Variants in DIPK2A observed in about 807,000 individuals in gnomAD.
DIPK2A encodes the protein divergent protein kinase domain 2A.
In DIPK2A, 27 loss-of-function variants were observed where a neutral mutation model predicts 39.0. The observed-to-expected ratio is 0.69, with a 90% CI of 0.51 to 0.96. The LOEUF is 0.96. Among genes scored for constraint, DIPK2A ranks in the 40% least tolerant of loss-of-function variants. DIPK2A has a pLI of 0.00. For synonymous variants in DIPK2A, 298 were observed against 240.8 expected (o/e 1.24, Z -2.20); for missense variants, 528 against 571.3 (o/e 0.92, Z 0.77).
intron 2 of DIPK2A, among the ~76,000 whole-genome samples, chr3:143,988,062 C>T (rs1442119284): frequency 6.6e-6 from 1 of 151,716 alleles, no homozygotes; most frequent in Admixed American, 6.6e-5. Flanking sequence ...AAAGCCAGGG[C>T]ATAATCTGTA....
At position 143,992,138 on chromosome 3, in the gene DIPK2A, A is replaced by T. The variant is rs1026744320; in HGVS notation, c.*2297A>T. On this transcript the variant is annotated 3_prime_UTR_variant, in exon 3 of 3. Coordinates refer to ENST00000315691, the MANE Select transcript of DIPK2A (RefSeq NM_173552.5). The stretch of plus-strand genomic sequence containing the variant: ...TTGCTATCAAGATGTTCACTATCAG[A>T]TATTTATTATATGGCAGCAATTTAT... The T allele has an allele frequency of 6.6e-6, 1 of 152,650 alleles. No homozygotes were observed. The highest frequency in any genetic ancestry group is 1.5e-5 in the Non-Finnish European group (1 of 68,034). 9.5% of individuals were successfully genotyped at this position (152,650 alleles called of 1,614,324 possible). A position where few individuals can be genotyped will look rare whatever the true frequency, so the allele number is the denominator to read the frequency against.
Position 143,989,980 on chromosome 3 carries a change from T to C in DIPK2A, c.*139T>C. ...AACTTGCACTGATAGATCTTAATGT[T>C]AACATCCATCAAAATAAGACATTAC... On this transcript the variant is annotated 3_prime_UTR_variant, in exon 3 of 3. Coordinates refer to ENST00000315691, the MANE Select transcript of DIPK2A (RefSeq NM_173552.5). 1 of 634,050 alleles carries C rather than the reference T, an allele frequency of 1.6e-6. No individual in the cohort carries two copies. The highest frequency in any genetic ancestry group is 2.7e-5 in the East Asian group (1 of 36,434). The allele number at this position is 634,050 out of a possible 1,614,324, so 39.3% of individuals were successfully genotyped here. A position where few individuals can be genotyped will look rare whatever the true frequency, so the allele number is the denominator to read the frequency against.
rs1407715263 is a variant in DIPK2A at position 143,972,407 on chromosome 3, G to C, written c.75G>C (p.Leu25Phe). 1 of 1,503,860 alleles carries C rather than the reference G, an allele frequency of 6.6e-7. No homozygotes were observed. The highest frequency in any genetic ancestry group is 8.9e-7 in the Non-Finnish European group (1 of 1,123,768). 93.2% of individuals were successfully genotyped at this position (1,503,860 alleles called of 1,614,324 possible). The change falls in exon 1 of 3, where the codon TTG becomes TTC. Residue 25 changes from leucine (L) to phenylalanine (F), a missense_variant. Transcript: ENST00000315691. The stretch of plus-strand genomic sequence containing the variant: ...AGCTGGCGGCGCTGGGCAGCCTGTT[G>C]GTGCTGATGGTGCTGCACTCGCCGT... ...SLKLAALGSL[L>F]VLMVLHSPSL...
chr3:143,972,899 G>T lies in DIPK2A; in HGVS notation c.567G>T (p.Ser189=). The change falls in exon 1 of 3, where the codon TCG becomes TCT. Residue 189 remains serine (S), a synonymous_variant. Transcript: ENST00000315691. ...LVRRYAETKD[S]GSFLLRNLKD... Reference sequence around the variant, plus strand: ...GCCGCTACGCGGAGACCAAGGACTCGGGCAGCTTCCTGCTTCGCAACCTCA... The same window carrying T: ...GCCGCTACGCGGAGACCAAGGACTCTGGCAGCTTCCTGCTTCGCAACCTCA... 7 of 1,582,832 alleles carry T rather than the reference G, an allele frequency of 4.4e-6. No individual in the cohort carries two copies. The highest frequency in any genetic ancestry group is 6.0e-6 in the Non-Finnish European group (7 of 1,166,676).
intron 2 of DIPK2A, 156 bp downstream of exon 2, chr3:143,986,002 A>C: frequency 1.6e-6 from 1 of 612,558 alleles, no homozygotes; most frequent in South Asian, 2.1e-5. Context: ...ACAAATACAG[A>C]TACTCTTTGA....
chr3:143,984,599 G>A (rs919639144), intron 1 of DIPK2A, among the ~76,000 whole-genome samples: 1 of 151,824 alleles, frequency 6.6e-6, no homozygotes, highest in African/African-American at 2.4e-5. Context: ...TCATTTTCTA[G>A]TTACATATTT....
chr3:143,976,975 G>A (rs957415135), intron 1 of DIPK2A, among the ~76,000 whole-genome samples: 11 of 151,806 alleles, frequency 7.2e-5, no homozygotes, highest in Admixed American at 5.9e-4. Context: ...GCTCATTTGG[G>A]GTATGGATCA....
At chr3:143,982,376 G>A (rs1224076359) in intron 1 of DIPK2A, among the ~76,000 whole-genome samples, 6 of 152,120 alleles carry the variant, frequency 3.9e-5, no homozygotes, top group Admixed American at 2.0e-4. Context: ...AATAGAGAAA[G>A]CCCATCAGAC....
intron 2 of DIPK2A, among the ~76,000 whole-genome samples, chr3:143,987,550 C>A (rs2087921089): frequency 6.6e-6 from 1 of 152,070 alleles, no homozygotes. Flanking sequence ...TATTTTATTT[C>A]TTCACAGGGA....
chr3:143,972,659 C>T lies in DIPK2A; in HGVS notation c.327C>T (p.Leu109=), dbSNP rs2087671222. 2.5e-6 allele frequency: 4 copies of T among 1,610,040 alleles called. No homozygotes were observed. Among genetic ancestry groups the T allele is most frequent in the African/African-American group, 1.3e-5 (1 of 74,886 alleles). The change falls in exon 1 of 3, where the codon CTC becomes CTT. Residue 109 remains leucine (L), a synonymous_variant. Transcript: ENST00000315691. The part of the protein sequence containing the change: ...PREGGRRRVV[L]KRLGSQRELA... ...AGGGCGGCCGCCGCCGAGTGGTGCT[C>T]AAGCGCCTCGGCTCGCAGCGCGAGC...
At chr3:143,975,102 C>A (rs986326512) in intron 1 of DIPK2A, among the ~76,000 whole-genome samples, 3 of 151,906 alleles carry the variant, frequency 2.0e-5, no homozygotes, top group Admixed American at 6.6e-5. Flanking sequence ...AACACATGGG[C>A]CATAGGATAA....
intron 1 of DIPK2A, among the ~76,000 whole-genome samples, chr3:143,975,407 T>C (rs1344002684): frequency 6.6e-6 from 1 of 152,086 alleles, no homozygotes; most frequent in African/African-American, 2.4e-5. Context: ...CACTTGATCT[T>C]TGGAAAAAGC....
In DIPK2A at chr3:143,990,556, A is replaced by G. The variant is rs903226468; in HGVS notation, c.*715A>G. 1 of 152,426 alleles carries G rather than the reference A, an allele frequency of 6.6e-6. No homozygotes were observed. Among genetic ancestry groups the G allele is most frequent in the African/African-American group, 2.4e-5 (1 of 41,388 alleles). The allele number at this position is 152,426 out of a possible 1,614,324, so 9.4% of individuals were successfully genotyped here. A position where few individuals can be genotyped will look rare whatever the true frequency, so the allele number is the denominator to read the frequency against. On this transcript the variant is annotated 3_prime_UTR_variant, in exon 3 of 3. Transcript: ENST00000315691. ...TTAACAGTTATATCCCTCTATGCCA[A>G]TAATTAGAAGTGTACACTAAACATG...
Position 143,990,021 on chromosome 3 carries a change from A to C in DIPK2A, c.*180A>C. The C allele has an allele frequency of 1.7e-6, 1 of 592,000 alleles. No homozygotes were observed. The allele number at this position is 592,000 out of a possible 1,614,324, so 36.7% of individuals were successfully genotyped here. A position where few individuals can be genotyped will look rare whatever the true frequency, so the allele number is the denominator to read the frequency against. ...AAGACATTACTTCAAAAATCACATG[A>C]TGCTTCTGCAAATAAGTATGTTCTT... On this transcript the variant is annotated 3_prime_UTR_variant, in exon 3 of 3. Transcript: ENST00000315691.
At chr3:143,973,549 G>A (rs1382472295) in intron 1 of DIPK2A, 15 of 1,550,978 alleles carry the variant, frequency 9.7e-6, no homozygotes, top group Non-Finnish European at 1.3e-5. Flanking sequence ...TCGGAGAACG[G>A]GACAGTGGTC....
chr3:143,980,321 G>A (rs2087809085), intron 1 of DIPK2A, among the ~76,000 whole-genome samples: 2 of 152,182 alleles, frequency 1.3e-5, no homozygotes, highest in South Asian at 4.1e-4. Flanking sequence ...AGGCCGGAGT[G>A]CAGTGGCGTG....
At position 143,985,847 on chromosome 3, in the gene DIPK2A, G is replaced by C; in HGVS notation, c.961+1G>C. 3 of 1,600,970 alleles carry C rather than the reference G, an allele frequency of 1.9e-6. No individual in the cohort carries two copies. The highest frequency in any genetic ancestry group is 2.6e-6 in the Non-Finnish European group (3 of 1,173,414). ...GCTGACAAAAGATTAATTAGACAAA[G>C]TAAGTATATAATTTTAGATTTTTTT... On this transcript the variant is annotated splice_donor_variant, in intron 2 of 2. Transcript: ENST00000315691. LOFTEE classifies it high-confidence loss of function.
rs114925678 is a variant in DIPK2A at position 143,991,420 on chromosome 3, T to C, written c.*1579T>C. The C allele has an allele frequency of 5.4e-3, 832 of 152,724 alleles. 4 individuals are homozygous for C. The highest frequency in any genetic ancestry group is 0.019 in the African/African-American group (800 of 41,574). 9.5% of individuals were successfully genotyped at this position (152,724 alleles called of 1,614,324 possible). Reference sequence around the variant, plus strand: ...ATTATCAAATACTTCAATGTAGATATTTCTTAAGTTGAAATAGCATTAACT... The same window carrying C: ...ATTATCAAATACTTCAATGTAGATACTTCTTAAGTTGAAATAGCATTAACT... On this transcript the variant is annotated 3_prime_UTR_variant, in exon 3 of 3. Coordinates refer to ENST00000315691, the MANE Select transcript of DIPK2A (RefSeq NM_173552.5).
chr3:143,980,941 G>GA (rs1330931808), intron 1 of DIPK2A, among the ~76,000 whole-genome samples: 1 of 152,052 alleles, frequency 6.6e-6, no homozygotes, highest in African/African-American at 2.4e-5. Flanking sequence ...TCATGTAGGA[G>GA]AAAAAAGAAT....
Sources: gnomAD v4.1 joint callset for allele counts (sites outside exome capture counted in the v4.1 genomes callset) on GRCh38, gnomAD v4.1.1 for gene constraint, MANE v1.5 for transcripts, NCBI Gene and HGNC (gene_info 2026-07-23, HGNC 2026-07-21) for gene names.